The following NXPE4 variants were observed in gnomAD, a reference collection of about 807,000 sequenced individuals.
The protein encoded by NXPE4 is NXPE family member 4.
NXPE4 carries 42 observed loss-of-function variants against 33.3 expected under a neutral mutation model. The observed-to-expected ratio is 1.26, with a 90% CI of 0.98 to 1.63. The LOEUF (loss-of-function observed/expected upper bound fraction) is 1.63. Ranked by LOEUF, NXPE4 falls within the 40% of genes most tolerant of loss-of-function variation. The probability of loss-of-function intolerance (pLI) is 0.00; values close to 1 mark genes in which losing one functional copy is unlikely to be tolerated. For synonymous variants in NXPE4, 253 were observed against 234.9 expected, an observed-to-expected ratio of 1.08 and a Z score of -0.71; for missense variants, 709 against 647.6, an observed-to-expected ratio of 1.09 and a Z score of -1.03.
chr11:114,618,562 GATA>G, the NXPE4 span, among the ~76,000 whole-genome samples: 1 of 151,952 alleles, frequency 6.6e-6, no homozygotes. Context: ...TTACCCAGTG[GATA>G]ATAAGTATTG....
At chr11:114,621,566 A>G in the NXPE4 span, among the ~76,000 whole-genome samples, 1 of 152,138 alleles carries the variant, frequency 6.6e-6, no homozygotes, top group East Asian at 1.9e-4. Context: ...CTCTAGGGTA[A>G]CCACTGTTAC....
At chr11:114,587,078 C>T (rs1351562990) in intron 2 of NXPE4, among the ~76,000 whole-genome samples, 1 of 152,078 alleles carries the variant, frequency 6.6e-6, no homozygotes, top group African/African-American at 2.4e-5. Context: ...ATATTGTTGG[C>T]CCTTTGCGGA....
intron 2 of NXPE4, 77 bp from the exon 3 acceptor site, chr11:114,583,098 T>A (rs148043908): frequency 4.2e-6 from 6 of 1,439,302 alleles, no homozygotes; most frequent in Non-Finnish European, 5.6e-6. Flanking sequence ...AAGTGTAACA[T>A]GCTATGAAAT....
At chr11:114,586,711 C>G (rs1300973831) in intron 2 of NXPE4, among the ~76,000 whole-genome samples, 1 of 152,164 alleles carries the variant, frequency 6.6e-6, no homozygotes, top group African/African-American at 2.4e-5. Context: ...TGGACTAATT[C>G]CAGCCTCCAA....
chr11:114,673,292 T>C, the NXPE4 span, among the ~76,000 whole-genome samples: 1 of 151,330 alleles, frequency 6.6e-6, no homozygotes, highest in East Asian at 1.9e-4. Flanking sequence ...AAAATGAAGG[T>C]ATAACAAACC....
At chr11:114,650,230 G>A in the NXPE4 span, among the ~76,000 whole-genome samples, 7 of 152,100 alleles carry the variant, frequency 4.6e-5, no homozygotes, top group Admixed American at 1.3e-4. Flanking sequence ...GTAGAGCACA[G>A]GAAAAAGAGG....
chr11:114,657,738 A>G, the NXPE4 span, among the ~76,000 whole-genome samples: 1 of 152,186 alleles, frequency 6.6e-6, no homozygotes. Flanking sequence ...TTCCTTGTAC[A>G]AAGAAAAAAA....
the NXPE4 span, among the ~76,000 whole-genome samples, chr11:114,639,825 T>A: frequency 1.7e-5 from 2 of 116,824 alleles, no homozygotes; most frequent in Non-Finnish European, 3.2e-5. Flanking sequence ...TAAAATATAA[T>A]ATATATTATA....
the NXPE4 span, among the ~76,000 whole-genome samples, chr11:114,605,654 T>C: frequency 0.13 from 20,431 of 151,766 alleles, 1,759 homozygotes; most frequent in East Asian, 0.37. Context: ...AGTTAGCTGG[T>C]GGATAATACA....
intron 5 of NXPE4, among the ~76,000 whole-genome samples, chr11:114,575,870 C>T (rs1299843004): frequency 6.6e-6 from 1 of 151,910 alleles, no homozygotes; most frequent in Non-Finnish European, 1.5e-5. Context: ...CATATGGAAC[C>T]AAAAAAGAGC....
At chr11:114,647,664 CTCTT>C in the NXPE4 span, among the ~76,000 whole-genome samples, 1 of 151,484 alleles carries the variant, frequency 6.6e-6, no homozygotes, top group Non-Finnish European at 1.5e-5. Flanking sequence ...TGTATTTTGT[CTCTT>C]TCTCTCAATC....
At chr11:114,573,078 A>T (rs1948925827) in intron 5 of NXPE4, among the ~76,000 whole-genome samples, 1 of 152,188 alleles carries the variant, frequency 6.6e-6, no homozygotes, top group Non-Finnish European at 1.5e-5. Context: ...AAACAAAAAA[A>T]TTATCAGTCA....
At chr11:114,628,848 C>T in the NXPE4 span, among the ~76,000 whole-genome samples, 8 of 151,676 alleles carry the variant, frequency 5.3e-5, no homozygotes, top group Non-Finnish European at 7.4e-5. Flanking sequence ...ATATCACCAC[C>T]GATCCCACAG....
the NXPE4 span, among the ~76,000 whole-genome samples, chr11:114,669,939 C>A: frequency 7.2e-5 from 11 of 151,992 alleles, no homozygotes. Flanking sequence ...AACATTGCAA[C>A]CTCAGGGATA....
the NXPE4 span, among the ~76,000 whole-genome samples, chr11:114,646,870 A>G: frequency 6.6e-6 from 1 of 152,232 alleles, no homozygotes; most frequent in East Asian, 1.9e-4. Flanking sequence ...AACAAAAAAC[A>G]GAGCAAAGGA....
chr11:114,626,618 T>C, the NXPE4 span, among the ~76,000 whole-genome samples: 1 of 152,064 alleles, frequency 6.6e-6, no homozygotes, highest in East Asian at 1.9e-4. Context: ...AGAGCGCCTC[T>C]CCTCCTCCAA....
the NXPE4 span, among the ~76,000 whole-genome samples, chr11:114,662,558 C>T: frequency 6.6e-6 from 1 of 152,106 alleles, no homozygotes; most frequent in African/African-American, 2.4e-5. Context: ...TCTGAGACAC[C>T]AGCTGCGGTG....
the NXPE4 span, among the ~76,000 whole-genome samples, chr11:114,608,335 A>G: frequency 6.6e-6 from 1 of 151,870 alleles, no homozygotes; most frequent in African/African-American, 2.4e-5. Context: ...TTGCTGGATA[A>G]TAAGTGTTGC....
chr11:114,571,402 T>C lies in NXPE4; in HGVS notation c.1171A>G (p.Ile391Val). The C allele has an allele frequency of 6.2e-7, 1 of 1,613,892 alleles. No homozygotes were observed. Among genetic ancestry groups the C allele is most frequent in the Non-Finnish European group, 8.5e-7 (1 of 1,179,786 alleles). ...HQLAVDLDRNINIQWQKYCYP... is the reference protein window; with the variant it reads ...HQLAVDLDRNVNIQWQKYCYP... ...CAATATTTTTGCCACTGGATGTTGA[T>C]GTTCCTATCCAAATCCACAGCAAGC... Residue 391 changes from isoleucine (I) to valine (V), a missense_variant, in exon 6 of 6, where the codon ATC (isoleucine) becomes GTC (valine). Physicochemically the swap from Ile to Val is conservative, Grantham distance 29. Transcript: ENST00000375478.
Sources: gnomAD v4.1 joint callset for allele counts (sites outside exome capture counted in the v4.1 genomes callset) on GRCh38, gnomAD v4.1.1 for gene constraint, MANE v1.5 for transcripts, NCBI Gene and HGNC (gene_info 2026-07-23, HGNC 2026-07-21) for gene names.